KATNAL2: variants seen among roughly 807,000 people sequenced by gnomAD.
The protein encoded by KATNAL2 is katanin catalytic subunit A1 like 2, also known as katanin p60 ATPase-containing subunit A-like 2.
In KATNAL2, 52 loss-of-function variants were observed where a neutral mutation model predicts 76.3. The ratio of observed to expected loss-of-function variants is 0.68; its 90% CI spans 0.55 to 0.86. The LOEUF (loss-of-function observed/expected upper bound fraction) is 0.86. KATNAL2 is among the 40% of genes least tolerant of loss of function. The pLI is 0.00. For missense variants in KATNAL2, 660 were observed against 668.9 expected (o/e 0.99, Z 0.15); for synonymous variants, 243 against 244.2 (o/e 1.00, Z 0.05).
chr18:47,078,612 TAG>T (rs987721367), intron 15 of KATNAL2, among the ~76,000 whole-genome samples: 1 of 152,140 alleles, frequency 6.6e-6, no homozygotes. Context: ...GGGTGAATAT[TAG>T]AGTCAGCTAG....
At position 47,059,566 on chromosome 18, in the gene KATNAL2, A is replaced by T. The variant is rs1443853626; in HGVS notation, c.461A>T (p.Asp154Val). The T allele has an allele frequency of 3.1e-6, 5 of 1,610,276 alleles. No homozygotes were observed. The highest frequency in any genetic ancestry group is 4.2e-6 in the Non-Finnish European group (5 of 1,176,566). ...TCTCTCTTTCTTCAGGAGGTAGTTG[A>T]TAACACTCGCCTGGAAAGTGCCAAC... ...NKEHPNQEVV[D>V]NTRLESANFG... Residue 154 changes from aspartate (D) to valine (V), a missense_variant, in exon 8 of 18, where the codon GAT (aspartate) becomes GTT (valine). Coordinates refer to ENST00000683218, the MANE Select transcript of KATNAL2 (RefSeq NM_001387690.1).
chr18:47,091,566 T>G (rs1599859392), intron 15 of KATNAL2, among the ~76,000 whole-genome samples: 5 of 152,318 alleles, frequency 3.3e-5, no homozygotes, highest in Admixed American at 3.3e-4. Context: ...GTTTCCTCCC[T>G]TGTATATGAT....
rs1038417703 is a variant in KATNAL2, at chr18:47,100,877, T to C, written c.1489T>C (p.Leu497=). The change falls in exon 18 of 18, where the codon TTA becomes CTA. Residue 497 remains leucine (L), a synonymous_variant. Coordinates refer to ENST00000683218, the MANE Select transcript of KATNAL2 (RefSeq NM_001387690.1). ...TGTTCTTATCCTAGAAAGCAGCGAC[T>C]TACCCAGGATCCAGTTGGATATAGT... ...LENHQSESSD[L]PRIQLDIVTT... The C allele has an allele frequency of 2.5e-6, 4 of 1,614,046 alleles. No homozygotes were observed. The Admixed American group carries it at 5.0e-5, about 20-fold the overall frequency.
At chr18:47,058,384 G>A in intron 7 of KATNAL2, 32 bp downstream of exon 7, 1 of 1,240,304 alleles carries the variant, frequency 8.1e-7, no homozygotes, top group Non-Finnish European at 1.2e-6. Context: ...TTTGTGAACA[G>A]CACACTTGGC....
intron 15 of KATNAL2, among the ~76,000 whole-genome samples, chr18:47,087,584 A>G (rs1266773226): frequency 6.6e-6 from 1 of 152,178 alleles, no homozygotes; most frequent in African/African-American, 2.4e-5. Context: ...GCAGAGAAAA[A>G]TAACTATTGG....
At chr18:47,051,840 C>T (rs1225883497) in intron 4 of KATNAL2, among the ~76,000 whole-genome samples, 1 of 152,036 alleles carries the variant, frequency 6.6e-6, no homozygotes, top group Non-Finnish European at 1.5e-5. Context: ...AGAAGGGAAT[C>T]AATTGCTTGA....
intron 3 of KATNAL2, chr18:47,033,231 G>T (rs1310450920): frequency 6.2e-7 from 1 of 1,613,716 alleles, no homozygotes; most frequent in South Asian, 1.1e-5. Context: ...TGCTTCCCGC[G>T]GGCTTGGAGG....
At chr18:47,059,193 C>T (rs926642999) in intron 7 of KATNAL2, among the ~76,000 whole-genome samples, 3 of 152,184 alleles carry the variant, frequency 2.0e-5, no homozygotes, top group Admixed American at 1.3e-4. Context: ...GGCTAGTTGA[C>T]TCTGCCATAT....
At chr18:47,038,723 AGT>A (rs771055774) in intron 3 of KATNAL2, among the ~76,000 whole-genome samples, 2 of 152,202 alleles carry the variant, frequency 1.3e-5, no homozygotes, top group East Asian at 1.9e-4. Context: ...AAAATTTGAG[AGT>A]CTTATTGAAA....
intron 15 of KATNAL2, among the ~76,000 whole-genome samples, chr18:47,095,440 T>TA (rs2063188914): frequency 6.6e-6 from 1 of 152,176 alleles, no homozygotes; most frequent in Non-Finnish European, 1.5e-5. Context: ...GATGGTTTTA[T>TA]AAGTGCTCAC....
At chr18:46,929,417 A>G (rs2058836618) in intron 1 of KATNAL2, among the ~76,000 whole-genome samples, 1 of 151,572 alleles carries the variant, frequency 6.6e-6, no homozygotes, top group Non-Finnish European at 1.5e-5. Flanking sequence ...AAATTGTTGT[A>G]TTTTTAGTAG....
chr18:47,057,767 G>T (rs1280911533), intron 6 of KATNAL2, among the ~76,000 whole-genome samples: 8 of 152,156 alleles, frequency 5.3e-5, no homozygotes, highest in Non-Finnish European at 1.0e-4. Context: ...AGTAGGCAGG[G>T]TATATCCAGG....
chr18:47,032,912 G>A (rs1437647848), intron 3 of KATNAL2: 2 of 1,605,782 alleles, frequency 1.2e-6, no homozygotes, highest in East Asian at 2.2e-5. Flanking sequence ...TAAAGGTTCT[G>A]GTGTCCATTG....
intron 3 of KATNAL2, among the ~76,000 whole-genome samples, chr18:47,039,199 T>C (rs2060878842): frequency 6.6e-6 from 1 of 152,252 alleles, no homozygotes; most frequent in African/African-American, 2.4e-5. Context: ...CCTTCTTTTC[T>C]CTGCCCCTCT....
intron 3 of KATNAL2, among the ~76,000 whole-genome samples, chr18:47,045,908 C>G (rs1441983607): frequency 6.6e-6 from 1 of 152,188 alleles, no homozygotes; most frequent in Non-Finnish European, 1.5e-5. Context: ...CCTTATCATA[C>G]AGGAGTTGTC....
In KATNAL2 at chr18:47,083,210, C is replaced by T. The variant is rs182472044; in HGVS notation, c.1211+5749C>T. Among the ~76,000 whole-genome samples, 400 of 152,334 alleles carry T rather than the reference C, an allele frequency of 2.6e-3. 2 individuals are homozygous for T. The highest frequency in any genetic ancestry group is 7.0e-3 in the African/African-American group (292 of 41,580). ...GATGTTTCTTAAGTCCCTTGTGACACATTGCTGATGTCCTTCTATGAGAAA... is the reference window on the plus strand; with the variant it reads ...GATGTTTCTTAAGTCCCTTGTGACATATTGCTGATGTCCTTCTATGAGAAA... On this transcript the variant is annotated intron_variant, in intron 15 of 17. Coordinates refer to ENST00000683218, the MANE Select transcript of KATNAL2 (RefSeq NM_001387690.1).
chr18:47,034,626 G>A (rs766294524), intron 3 of KATNAL2: 10 of 1,614,088 alleles, frequency 6.2e-6, no homozygotes, highest in Middle Eastern at 1.7e-4. Context: ...CCTGGGGTTG[G>A]CCCTGGCAGC....
chr18:47,042,061 G>T (rs8088215), intron 3 of KATNAL2, among the ~76,000 whole-genome samples: 4,878 of 151,938 alleles, frequency 0.032, 221 homozygotes, highest in African/African-American at 0.11. Context: ...TTTTAGTGTT[G>T]AATTTAGGAG....
intron 3 of KATNAL2, among the ~76,000 whole-genome samples, chr18:46,954,972 T>C (rs1385217173): frequency 2.0e-5 from 3 of 152,062 alleles, no homozygotes; most frequent in East Asian, 1.9e-4. Flanking sequence ...TATTGGCTTC[T>C]TTCCCTGTAG....
Sources: allele counts gnomAD v4.1 joint callset (sites outside exome capture counted in the v4.1 genomes callset), GRCh38; gene constraint gnomAD v4.1.1; transcripts MANE v1.5; gene names NCBI Gene and HGNC (gene_info 2026-07-23, HGNC 2026-07-21).